The following CCNDBP1 variants were observed in gnomAD, a reference collection of about 807,000 sequenced individuals.
CCNDBP1 encodes cyclin-D1-binding protein 1.
In CCNDBP1, 45 loss-of-function variants were observed where a neutral mutation model predicts 46.2. The observed-to-expected ratio is 0.97, with a 90% confidence interval of 0.77 to 1.25. The LOEUF is 1.25. Ranked by LOEUF, CCNDBP1 falls within the 50% of genes most tolerant of loss-of-function variation. The probability of loss-of-function intolerance (pLI) is 0.00; values close to 1 mark genes in which losing one functional copy is unlikely to be tolerated. For missense variants in CCNDBP1, 436 were observed against 442.1 expected (o/e 0.99, Z 0.12); for synonymous variants, 154 against 163.6 (o/e 0.94, Z 0.45).
chr15:43,188,510 A>G (rs1325649984), intron 3 of CCNDBP1: 1 of 152,226 alleles, frequency 6.6e-6, no homozygotes, highest in Non-Finnish European at 1.5e-5. Flanking sequence ...ACCAGTGAGT[A>G]TGGCTGTGTC....
chr15:43,185,548 C>T lies in CCNDBP1; in HGVS notation c.50C>T (p.Pro17Leu). 6.3e-7 allele frequency: 1 copy of T among 1,595,920 alleles called. No individual in the cohort carries two copies. The highest frequency in any genetic ancestry group is 8.5e-7 in the Non-Finnish European group (1 of 1,173,676). The change falls in exon 1 of 11, where the codon CCT (proline) becomes CTT (leucine). Residue 17 changes from proline to leucine, a missense_variant. Pro to Leu is a moderately conservative substitution (Grantham distance 98). Coordinates refer to ENST00000300213, the MANE Select transcript of CCNDBP1 (RefSeq NM_012142.5). ...PAAAVPTLAS[P>L]LEQLRHLAEE... Reference sequence around the variant, plus strand: ...GCCGCAGTCCCCACCCTGGCTTCGCCTTTGGAGCAGCTCCGGCACTTGGCG... The same window carrying T: ...GCCGCAGTCCCCACCCTGGCTTCGCTTTTGGAGCAGCTCCGGCACTTGGCG...
chr15:43,194,361 C>T, intron 9 of CCNDBP1, 54 bp from the exon 10 acceptor site: 1 of 1,426,980 alleles, frequency 7.0e-7, no homozygotes, highest in Non-Finnish European at 9.4e-7. Flanking sequence ...AATATTTGAA[C>T]TCACCTTTTT....
chr15:43,185,858 G>C lies in CCNDBP1; in HGVS notation c.148G>C (p.Glu50Gln). 1 of 1,611,628 alleles carries C rather than the reference G, an allele frequency of 6.2e-7. No homozygotes were observed. Among genetic ancestry groups the C allele is most frequent in the South Asian group, 1.1e-5 (1 of 90,936 alleles). ...GGAGACCACCGAGGAGTTTAATCGA[G>C]AGATGTTCTGGAGAAGACTCAGTGA... Reference protein sequence around the residue: ...AQETTEEFNREMFWRRLNEAA... With the variant: ...AQETTEEFNRQMFWRRLNEAA... The change falls in exon 2 of 11, where the codon GAG becomes CAG. Residue 50 changes from glutamate (E) to glutamine (Q), a missense_variant. Glu to Gln is a conservative substitution (Grantham distance 29). Transcript: ENST00000300213.
At position 43,189,210 on chromosome 15, in the gene CCNDBP1, G is replaced by A. The variant is rs115357955; in HGVS notation, c.261G>A (p.Lys87=). Residue 87 remains lysine, a synonymous_variant, in exon 4 of 11, where the codon AAG becomes AAA. Transcript: ENST00000300213. The part of the protein sequence containing the change: ...LPLPSPQETQ[K]FCEQVHAAIK... ...TTCCTTTTTCATAGGAAACCCAGAA[G>A]TTCTGTGAACAAGTCCATGCTGCCA... is the stretch of plus-strand genomic sequence containing the variant. 1.7e-3 allele frequency: 2,793 copies of A among 1,609,704 alleles called. 54 individuals are homozygous for A. In the African/African-American group the frequency reaches 0.034, roughly 19 times the overall value.
At position 43,197,092 on chromosome 15, in the gene CCNDBP1, A is replaced by G. The variant is rs1567268061; in HGVS notation, c.*2251A>G. 6.4e-6 allele frequency: 4 copies of G among 629,402 alleles called. No individual in the cohort carries two copies. Among genetic ancestry groups the G allele is most frequent in the Middle Eastern group, 4.4e-4 (1 of 2,274 alleles). The allele number at this position is 629,402 out of a possible 1,614,324, so 39.0% of individuals were successfully genotyped here. On this transcript the variant is annotated 3_prime_UTR_variant, in exon 11 of 11. Transcript: ENST00000300213. ...ACGTTGCCTCCCTTCATCTTCCTGC[A>G]TAAGTGGAAGCAGCCTGAAGCCCTC...
In CCNDBP1 at chr15:43,190,078, CG is replaced by C. The variant is rs2041923717; in HGVS notation, c.359del (p.Gly120AlafsTer56). 1 of 1,613,968 alleles carries C rather than the reference CG, an allele frequency of 6.2e-7. No homozygotes were observed. The highest frequency in any genetic ancestry group is 1.3e-5 in the African/African-American group (1 of 74,910). The part of the protein sequence containing the change: ...DQGITLRKLV[R>X]GATLDIVDGM... ...AGGGATCACCCTGAGAAAGCTGGTACGGGGCGCCACCCTGGACATCGTGGAT... is the reference window on the plus strand; with the variant it reads ...AGGGATCACCCTGAGAAAGCTGGTACGGGCGCCACCCTGGACATCGTGGAT... On this transcript the variant is annotated frameshift_variant, in exon 5 of 11. Coordinates refer to ENST00000300213, the MANE Select transcript of CCNDBP1 (RefSeq NM_012142.5). LOFTEE classifies it high-confidence loss of function.
chr15:43,185,972 C>CA, intron 2 of CCNDBP1, 93 bp downstream of exon 2: 2 of 1,293,144 alleles, frequency 1.5e-6, no homozygotes, highest in South Asian at 2.4e-5. Flanking sequence ...GGGGACTGCT[C>CA]TCCCCCGCTG....
At chr15:43,185,906 C>CT in intron 2 of CCNDBP1, 27 bp downstream of exon 2, 1 of 1,599,638 alleles carries the variant, frequency 6.3e-7, no homozygotes, top group Non-Finnish European at 8.5e-7. Context: ...CCGGGCTCCC[C>CT]TTGCCTCAGT....
intron 3 of CCNDBP1, among the ~76,000 whole-genome samples, chr15:43,187,083 C>G (rs2041862846): frequency 6.6e-6 from 1 of 152,152 alleles, no homozygotes; most frequent in Admixed American, 6.5e-5. Flanking sequence ...CTCAGTTTTT[C>G]TAGAGTTGTG....
intron 4 of CCNDBP1, chr15:43,189,595 G>A: frequency 2.9e-6 from 1 of 342,296 alleles, no homozygotes; most frequent in Non-Finnish European, 5.3e-6. Context: ...GCAGGCTCAG[G>A]CCATCCTTAC....
chr15:43,189,043 A>G (rs572239852), intron 3 of CCNDBP1, 156 bp from the exon 4 acceptor site: 25 of 409,812 alleles, frequency 6.1e-5, no homozygotes, highest in Non-Finnish European at 9.5e-5. Context: ...GCGCCATTGC[A>G]CTCCAGCCTG....
In CCNDBP1 at chr15:43,191,015, G is replaced by A; in HGVS notation, c.552G>A (p.Val184=). 1 of 1,614,082 alleles carries A rather than the reference G, an allele frequency of 6.2e-7. No individual in the cohort carries two copies. Among genetic ancestry groups the A allele is most frequent in the Non-Finnish European group, 8.5e-7 (1 of 1,179,968 alleles). The stretch of plus-strand genomic sequence containing the variant: ...TGCTGACCAAGAATGTGGATTTTGT[G>A]AAGGATGCACATGAAGAAATGGAGC... ...LLMLTKNVDF[V]KDAHEEMEQA... is the part of the protein sequence containing the mutation. The change falls in exon 7 of 11, where the codon GTG becomes GTA. Residue 184 remains valine (V), a synonymous_variant. Transcript: ENST00000300213.
intron 3 of CCNDBP1, chr15:43,188,395 C>T (rs1026222017): frequency 6.6e-6 from 1 of 152,148 alleles, no homozygotes; most frequent in African/African-American, 2.4e-5. Context: ...CTGTCTCTCT[C>T]CCTCCCTCTC....
Position 43,190,357 on chromosome 15 carries a change from G to C in CCNDBP1, c.461G>C (p.Ser154Thr), listed in dbSNP as rs1273693614. The change falls in exon 6 of 11, where the codon AGT becomes ACT. Residue 154 changes from serine (S) to threonine (T), a missense_variant. Physicochemically the swap from Ser to Thr is moderately conservative, Grantham distance 58. Transcript: ENST00000300213. ...AACAATGACCTTATTTCCTACAACA[G>C]TGTCTGGGTTGCGTGCCAGCAGATG... ...PENNDLISYN[S>T]VWVACQQMPQ... The C allele has an allele frequency of 6.2e-7, 1 of 1,614,042 alleles. No individual in the cohort carries two copies. The highest frequency in any genetic ancestry group is 1.3e-5 in the African/African-American group (1 of 74,912).
intron 3 of CCNDBP1, among the ~76,000 whole-genome samples, chr15:43,187,656 G>A (rs565830288): frequency 1.3e-5 from 2 of 152,118 alleles, no homozygotes; most frequent in African/African-American, 2.4e-5. Flanking sequence ...ATTTCAAAAA[G>A]AGTAGTTAAT....
chr15:43,188,265 G>A (rs1160036946), intron 3 of CCNDBP1, among the ~76,000 whole-genome samples: 1 of 152,026 alleles, frequency 6.6e-6, no homozygotes, highest in Non-Finnish European at 1.5e-5. Context: ...AAGGAAAATA[G>A]TTAACATGGA....
At chr15:43,186,286 CCT>C (rs2041834173) in intron 3 of CCNDBP1, 53 bp downstream of exon 3, 2 of 1,424,312 alleles carry the variant, frequency 1.4e-6, no homozygotes, top group African/African-American at 2.8e-5. Context: ...CCTTAGGAAT[CCT>C]CTAATTTTCT....
At chr15:43,194,248 G>T (rs1173582810) in intron 9 of CCNDBP1, 167 bp from the exon 10 acceptor site, 45 of 523,744 alleles carry the variant, frequency 8.6e-5, no homozygotes, top group Non-Finnish European at 1.4e-4. Context: ...AAATAGAAAA[G>T]AACCCGTAAT....
intron 9 of CCNDBP1, chr15:43,193,968 C>A: frequency 3.4e-6 from 1 of 295,656 alleles, no homozygotes; most frequent in Non-Finnish European, 6.4e-6. Flanking sequence ...ACTGCATATG[C>A]ATCTTATATG....
Sources: allele counts gnomAD v4.1 joint callset (sites outside exome capture counted in the v4.1 genomes callset), GRCh38; gene constraint gnomAD v4.1.1; transcripts MANE v1.5; gene names NCBI Gene and HGNC (gene_info 2026-07-23, HGNC 2026-07-21).